UBE4B: variants seen among roughly 807,000 people sequenced by gnomAD.
The protein encoded by UBE4B is ubiquitin conjugation factor E4 B.
UBE4B carries 27 observed loss-of-function variants against 148.1 expected under a neutral mutation model. The ratio of observed to expected loss-of-function variants is 0.18; its 90% CI spans 0.13 to 0.25. The LOEUF is 0.25. UBE4B is among the 10% of genes least tolerant of loss of function. The probability of loss-of-function intolerance (pLI) is 1.00; values close to 1 mark genes in which losing one functional copy is unlikely to be tolerated. For synonymous variants in UBE4B, 596 were observed against 619.3 expected, an observed-to-expected ratio of 0.96 and a Z score of 0.56; for missense variants, 1,170 against 1,662.4, an observed-to-expected ratio of 0.70 and a Z score of 5.15.
At chr1:10,041,246 T>A (rs547454226) in intron 1 of UBE4B, among the ~76,000 whole-genome samples, 1 of 151,988 alleles carries the variant, frequency 6.6e-6, no homozygotes, top group Admixed American at 6.5e-5. Flanking sequence ...ACCTGGACTC[T>A]AATCCAGGTT....
chr1:10,147,187 C>T lies in UBE4B; in HGVS notation c.2591+97C>T. Reference sequence around the variant, plus strand: ...TTGATAACTAAAACCAAAACCCTTTCTTTATCAAGAATTCACTTCTCTGCA... The same window carrying T: ...TTGATAACTAAAACCAAAACCCTTTTTTTATCAAGAATTCACTTCTCTGCA... On this transcript the variant is annotated intron_variant, in intron 19 of 27. Transcript: ENST00000343090. The T allele has an allele frequency of 2.6e-6, 4 of 1,560,390 alleles. No homozygotes were observed. The South Asian group carries it at 4.6e-5, about 18-fold the overall frequency.
intron 23 of UBE4B, among the ~76,000 whole-genome samples, chr1:10,163,764 T>A (rs1646204905): frequency 1.3e-5 from 2 of 150,990 alleles, no homozygotes; most frequent in South Asian, 2.1e-4. Context: ...TTAAATTATT[T>A]TTTATTTTAT....
chr1:10,158,277 G>T (rs567744011), intron 21 of UBE4B, 79 bp from the exon 22 acceptor site: 2 of 1,547,248 alleles, frequency 1.3e-6, no homozygotes, highest in Admixed American at 3.6e-5. Flanking sequence ...CATTCACTCA[G>T]TATCATTGTT....
intron 1 of UBE4B, among the ~76,000 whole-genome samples, chr1:10,055,634 T>C (rs575298113): frequency 6.6e-6 from 1 of 152,262 alleles, no homozygotes; most frequent in Admixed American, 6.5e-5. Flanking sequence ...AAGTAGTGAA[T>C]GCTGGCCAGG....
chr1:10,151,341 G>A lies in UBE4B; in HGVS notation c.2706G>A (p.Ala902=), dbSNP rs774060515. The change falls in exon 21 of 28, where the codon GCG becomes GCA. Residue 902 remains alanine (A), a synonymous_variant. Coordinates refer to ENST00000343090, the MANE Select transcript of UBE4B (RefSeq NM_001105562.3). ...CTCTGTTCAGATACTCTCCCCAGGCGCTTTATGAGCCCTGTACTCAGGATA... is the reference window on the plus strand; with the variant it reads ...CTCTGTTCAGATACTCTCCCCAGGCACTTTATGAGCCCTGTACTCAGGATA... ...LFFIVQYSPQ[A]LYEPCTQDIV... 3.1e-6 allele frequency: 5 copies of A among 1,613,896 alleles called. No homozygotes were observed. Among genetic ancestry groups the A allele is most frequent in the African/African-American group, 2.7e-5 (2 of 74,932 alleles).
At chr1:10,125,371 A>AT (rs1331329778) in intron 10 of UBE4B, among the ~76,000 whole-genome samples, 1 of 152,114 alleles carries the variant, frequency 6.6e-6, no homozygotes, top group Non-Finnish European at 1.5e-5. Context: ...TTACTTCTCC[A>AT]TTTTTATCTG....
At position 10,051,907 on chromosome 1, in the gene UBE4B, C is replaced by T. The variant is rs58064995; in HGVS notation, c.24+18213C>T. On this transcript the variant is annotated intron_variant, in intron 1 of 27. Transcript: ENST00000343090. ...GCTGCTAAATCTTTGGCATCTTGTCCAGTTCTTTGGCAGCAGTGTCAAGAC... is the reference window on the plus strand; with the variant it reads ...GCTGCTAAATCTTTGGCATCTTGTCTAGTTCTTTGGCAGCAGTGTCAAGAC... Among the ~76,000 whole-genome samples the T allele has an allele frequency of 7.9e-3, 1,210 of 152,244 alleles. 12 individuals are homozygous for T. Among genetic ancestry groups the T allele is most frequent in the African/African-American group, 0.027 (1,115 of 41,528 alleles).
chr1:10,131,016 T>G (rs1645584301), intron 14 of UBE4B, among the ~76,000 whole-genome samples: 1 of 152,230 alleles, frequency 6.6e-6, no homozygotes, highest in African/African-American at 2.4e-5. Flanking sequence ...TGCCTTTGTA[T>G]GTAGCATCAC....
rs548022453 is a variant in UBE4B at position 10,089,484 on chromosome 1, T to G, written c.212-5977T>G. Among the ~76,000 whole-genome samples the G allele has an allele frequency of 4.0e-5, 6 of 149,850 alleles. No homozygotes were observed. The East Asian group carries it at 1.2e-3, about 29-fold the overall frequency. ...TTGCCACTGTACCGCAGCCCAGGTA[T>G]CACTGAGAACATGTCTCTGAAAAAA... On this transcript the variant is annotated intron_variant, in intron 2 of 27. Transcript: ENST00000343090.
At chr1:10,150,255 T>G (rs576873131) in intron 20 of UBE4B, among the ~76,000 whole-genome samples, 45 of 152,240 alleles carry the variant, frequency 3.0e-4, no homozygotes, top group African/African-American at 1.1e-3. Context: ...TGATTTTGAT[T>G]GGTATGAAAT....
intron 1 of UBE4B, among the ~76,000 whole-genome samples, chr1:10,057,440 A>C (rs1203845249): frequency 8.9e-6 from 1 of 112,326 alleles, no homozygotes; most frequent in Non-Finnish European, 1.8e-5. Context: ...TTTTTTTTTG[A>C]GACAGAGTGT....
intron 2 of UBE4B, among the ~76,000 whole-genome samples, chr1:10,092,941 C>T (rs955601908): frequency 2.6e-5 from 4 of 152,040 alleles, no homozygotes; most frequent in Admixed American, 1.3e-4. Context: ...CCACTTGATC[C>T]GAAATGTGAA....
intron 25 of UBE4B, among the ~76,000 whole-genome samples, chr1:10,175,517 G>A (rs576650455): frequency 3.4e-4 from 52 of 151,880 alleles, no homozygotes; most frequent in Admixed American, 1.0e-3. Flanking sequence ...CAGGCGTGGT[G>A]GCGGGCGCCC....
chr1:10,059,763 C>T (rs12025312), intron 1 of UBE4B: 6 of 152,354 alleles, frequency 3.9e-5, no homozygotes, highest in African/African-American at 9.7e-5. Flanking sequence ...TGTAGGCATC[C>T]GAAGTTGTTG....
chr1:10,137,350 C>G, intron 17 of UBE4B, 145 bp downstream of exon 17: 2 of 1,044,486 alleles, frequency 1.9e-6, no homozygotes, highest in Non-Finnish European at 2.8e-6. Flanking sequence ...CCGCCACATC[C>G]ATGTTGCTCA....
At chr1:10,155,769 T>A (rs1233454969) in intron 21 of UBE4B, among the ~76,000 whole-genome samples, 1 of 152,228 alleles carries the variant, frequency 6.6e-6, no homozygotes, top group Non-Finnish European at 1.5e-5. Context: ...ACGCCTGTAA[T>A]CCTAGCACTT....
At chr1:10,082,306 C>G (rs1019245317) in intron 2 of UBE4B, among the ~76,000 whole-genome samples, 1 of 151,866 alleles carries the variant, frequency 6.6e-6, no homozygotes, top group South Asian at 2.1e-4. Flanking sequence ...TAAGACTAGC[C>G]TGGACAACAT....
intron 7 of UBE4B, among the ~76,000 whole-genome samples, chr1:10,116,168 C>T (rs1191697099): frequency 2.0e-5 from 3 of 151,912 alleles, no homozygotes. Flanking sequence ...TTTAGGACAG[C>T]GTCTCTCTTT....
intron 21 of UBE4B, among the ~76,000 whole-genome samples, chr1:10,157,240 C>T (rs1646088053): frequency 1.3e-5 from 2 of 152,090 alleles, no homozygotes; most frequent in Admixed American, 6.6e-5. Context: ...AGGCTGGTCT[C>T]GAACTCCTGG....
Sources: allele counts gnomAD v4.1 joint callset (sites outside exome capture counted in the v4.1 genomes callset), GRCh38; gene constraint gnomAD v4.1.1; transcripts MANE v1.5; gene names NCBI Gene and HGNC (gene_info 2026-07-23, HGNC 2026-07-21).